Variants in CRLF2 observed in about 807,000 individuals in gnomAD.
CRLF2 encodes cytokine receptor-like factor 2.
Under a neutral mutation model 38.7 loss-of-function variants are expected in CRLF2, and 41 were observed. The observed-to-expected ratio is 1.06, with a 90% CI of 0.83 to 1.37. The LOEUF is 1.37. Ranked by LOEUF, CRLF2 falls within the 40% of genes most tolerant of loss-of-function variation. The probability of loss-of-function intolerance (pLI) is 0.00; values close to 1 mark genes in which losing one functional copy is unlikely to be tolerated. For synonymous variants in CRLF2, 140 were observed against 128.8 expected (o/e 1.09, Z -0.59); for missense variants, 377 against 322.2 (o/e 1.17, Z -1.30).
intron 4 of CRLF2, among the ~76,000 whole-genome samples, chrX:1,200,921 C>T (rs2086594739): frequency 1.3e-5 from 2 of 151,812 alleles, no homozygotes; most frequent in South Asian, 4.2e-4. Flanking sequence ...ACGATGGGGA[C>T]ATGTTCTGGG....
intron 3 of CRLF2, 150 bp from the exon 4 acceptor site, chrX:1,202,685 A>C: frequency 1.1e-6 from 1 of 897,064 alleles, no homozygotes; most frequent in Admixed American, 2.2e-5. Context: ...CTTTTATAGG[A>C]GAAGCTTCCA....
chrX:1,202,491 C>T lies in CRLF2; in HGVS notation c.394G>A (p.Asp132Asn), dbSNP rs763768038. 8.7e-6 allele frequency: 14 copies of T among 1,613,710 alleles called. No homozygotes were observed. In the East Asian group the frequency reaches 2.9e-4, roughly 33 times the overall value. The change falls in exon 4 of 8, where the codon GAT (aspartate) becomes AAT (asparagine). Residue 132 changes from aspartate (D) to asparagine (N), a missense_variant. Coordinates refer to ENST00000400841, the MANE Select transcript of CRLF2 (RefSeq NM_022148.4). ...PKHVRFSWHQ[D>N]AVTVTCSDLS... ...TCAGAACACGTCACCGTCACTGCAT[C>T]CTGATGCCACGAAAATCTCACGTGC...
intron 7 of CRLF2, among the ~76,000 whole-genome samples, chrX:1,192,769 C>CTT (rs1180671974): frequency 2.0e-5 from 2 of 101,104 alleles, no homozygotes; most frequent in Non-Finnish European, 4.1e-5. Context: ...TCTTTCTTTC[C>CTT]TTCCTTCCTC....
Position 1,212,597 on chromosome X carries a change from A to G in CRLF2, c.38T>C (p.Phe13Ser), listed in dbSNP as rs779816679. 4 of 1,612,794 alleles carry G rather than the reference A, an allele frequency of 2.5e-6. No individual in the cohort carries two copies. In the African/African-American group the frequency reaches 5.4e-5, roughly 22 times the overall value. ...RLVLLWGAAV[F>S]LLGGWMALGQ... ...CAAAGCCATCCAGCCTCCCAGCAGAAAGACGGCAGCTCCCCACAGCAGAAC... is the reference window on the plus strand; with the variant it reads ...CAAAGCCATCCAGCCTCCCAGCAGAGAGACGGCAGCTCCCCACAGCAGAAC... The change falls in exon 1 of 8, where the codon TTT (phenylalanine) becomes TCT (serine). Residue 13 changes from phenylalanine (F) to serine (S), a missense_variant. Coordinates refer to ENST00000400841, the MANE Select transcript of CRLF2 (RefSeq NM_022148.4).
intron 5 of CRLF2, among the ~76,000 whole-genome samples, chrX:1,197,303 T>C (rs2086500359): frequency 6.7e-6 from 1 of 149,858 alleles, no homozygotes; most frequent in Admixed American, 6.7e-5. Flanking sequence ...TTTTTTTTAA[T>C]GAATGTTAGT....
chrX:1,207,851 TG>T (rs1412918084), intron 2 of CRLF2, among the ~76,000 whole-genome samples: 2 of 152,084 alleles, frequency 1.3e-5, no homozygotes, highest in Non-Finnish European at 2.9e-5. Context: ...GGTTTCACCA[TG>T]TTGGCCAGGA....
chrX:1,211,298 T>TGG (rs1489152078), intron 1 of CRLF2, among the ~76,000 whole-genome samples: 8 of 142,472 alleles, frequency 5.6e-5, no homozygotes, highest in Non-Finnish European at 1.1e-4. Flanking sequence ...GATAAGTGGA[T>TGG]AAAAGTGTGG....
intron 5 of CRLF2, 113 bp from the exon 6 acceptor site, chrX:1,197,013 G>GTT: frequency 9.9e-6 from 8 of 807,926 alleles, no homozygotes; most frequent in Non-Finnish European, 1.4e-5. Context: ...TTTGGTGTTC[G>GTT]TTTTTTTTTC....
intron 6 of CRLF2, among the ~76,000 whole-genome samples, chrX:1,195,151 C>T (rs1200749003): frequency 6.6e-6 from 1 of 152,038 alleles, no homozygotes; most frequent in Non-Finnish European, 1.5e-5. Context: ...CGAGATCACG[C>T]CACTGCACTC....
Position 1,198,561 on chromosome X carries a change from C to G in CRLF2, c.646+1G>C. On this transcript the variant is annotated splice_donor_variant, in intron 5 of 7. Transcript: ENST00000400841. LOFTEE classifies it high-confidence loss of function. ...GGACACTGCCGCGTAACAAGCATTA[C>G]CCCGAATCTCGCCTCTCTGCCAGCA... 1.2e-6 allele frequency: 2 copies of G among 1,613,614 alleles called. No homozygotes were observed. The highest frequency in any genetic ancestry group is 1.7e-6 in the Non-Finnish European group (2 of 1,179,664).
At chrX:1,195,680 C>T (rs1357022888) in intron 6 of CRLF2, among the ~76,000 whole-genome samples, 9 of 149,490 alleles carry the variant, frequency 6.0e-5, no homozygotes, top group Non-Finnish European at 1.0e-4. Flanking sequence ...TGGGTTCAAG[C>T]GGTTCTCCTG....
rs2147849356 is a variant in CRLF2 at position 1,206,514 on chromosome X, G to A, written c.268C>T (p.Gln90Ter). ...HTSGCLLDAEQRDDILYFSIR... is the reference protein window; with the variant it reads ...HTSGCLLDAE ...GAGAAATAGAGAATGTCGTCTCGCT[G>A]CTCTGCGTCTAGGAGGCACCCCGAA... The change falls in exon 3 of 8, where the codon CAG becomes TAG. Residue 90 changes from glutamine to a stop codon, truncating the protein, a stop_gained. Coordinates refer to ENST00000400841, the MANE Select transcript of CRLF2 (RefSeq NM_022148.4). LOFTEE classifies it high-confidence loss of function. The A allele has an allele frequency of 6.2e-7, 1 of 1,613,534 alleles. No homozygotes were observed. Among genetic ancestry groups the A allele is most frequent in the Non-Finnish European group, 8.5e-7 (1 of 1,179,510 alleles).
chrX:1,210,258 G>A (rs1213267478), intron 1 of CRLF2, among the ~76,000 whole-genome samples: 1 of 152,092 alleles, frequency 6.6e-6, no homozygotes, highest in Non-Finnish European at 1.5e-5. Flanking sequence ...CAGGGACAAT[G>A]GAAATATTTT....
Position 1,198,585 on chromosome X carries a change from C to T in CRLF2, c.623G>A (p.Cys208Tyr), listed in dbSNP as rs758461223. ...ACCCCGAATCTCGCCTCTCTGCCAG[C>T]ATGTCACCTCTGACCAGTCGCTTGG... ...TYPSDWSEVTCWQRGEIRDAC... is the reference protein window; with the variant it reads ...TYPSDWSEVTYWQRGEIRDAC... Residue 208 changes from cysteine to tyrosine, a missense_variant, in exon 5 of 8, where the codon TGC becomes TAC. Coordinates refer to ENST00000400841, the MANE Select transcript of CRLF2 (RefSeq NM_022148.4). The T allele has an allele frequency of 6.2e-7, 1 of 1,613,732 alleles. No individual in the cohort carries two copies. Among genetic ancestry groups the T allele is most frequent in the African/African-American group, 1.3e-5 (1 of 75,020 alleles).
intron 5 of CRLF2, among the ~76,000 whole-genome samples, chrX:1,197,349 G>C (rs2086501500): frequency 6.6e-6 from 1 of 151,400 alleles, no homozygotes. Context: ...AAATATCCTG[G>C]AAAGAGACAC....
At chrX:1,200,907 C>T (rs1467516123) in intron 4 of CRLF2, among the ~76,000 whole-genome samples, 3 of 122,580 alleles carry the variant, frequency 2.4e-5, no homozygotes, top group Non-Finnish European at 5.3e-5. Flanking sequence ...TCATGCATTG[C>T]TTAACGATGG....
chrX:1,204,092 A>AT (rs2086652690), intron 3 of CRLF2, among the ~76,000 whole-genome samples: 1 of 114,900 alleles, frequency 8.7e-6, no homozygotes, highest in African/African-American at 2.9e-5. Flanking sequence ...TCTCTCTCAA[A>AT]AAAAAGAGAG....
intron 2 of CRLF2, among the ~76,000 whole-genome samples, chrX:1,207,928 C>G (rs1444908331): frequency 6.6e-6 from 1 of 152,096 alleles, no homozygotes; most frequent in Admixed American, 6.6e-5. Flanking sequence ...GTCTTATTTT[C>G]CAAATAACTT....
intron 5 of CRLF2, among the ~76,000 whole-genome samples, chrX:1,198,079 G>A (rs1355206439): frequency 5.3e-5 from 8 of 152,090 alleles, no homozygotes; most frequent in African/African-American, 1.7e-4. Context: ...TTCAGATGGG[G>A]CCCTGGAGGA....
Sources: gnomAD v4.1 joint callset for allele counts (sites outside exome capture counted in the v4.1 genomes callset) on GRCh38, gnomAD v4.1.1 for gene constraint, MANE v1.5 for transcripts, NCBI Gene and HGNC (gene_info 2026-07-23, HGNC 2026-07-21) for gene names.